ARAP2: variants seen among roughly 807,000 people sequenced by gnomAD.
ARAP2 encodes arf-GAP with Rho-GAP domain, ANK repeat and PH domain-containing protein 2.
Under a neutral mutation model 194.5 loss-of-function variants are expected in ARAP2, and 148 were observed. The observed-to-expected ratio is 0.76, with a 90% CI of 0.67 to 0.87. The LOEUF is 0.87. Ranked by LOEUF, ARAP2 falls within the 40% of genes least tolerant of loss-of-function variation. ARAP2 has a pLI of 0.00. For synonymous variants in ARAP2, 695 were observed against 683.5 expected, an observed-to-expected ratio of 1.02 and a Z score of -0.26; for missense variants, 2,128 against 1,989.7, an observed-to-expected ratio of 1.07 and a Z score of -1.32.
At chr4:36,200,018 T>C (rs1744035251) in intron 6 of ARAP2, among the ~76,000 whole-genome samples, 2 of 42,240 alleles carry the variant, frequency 4.7e-5, no homozygotes, top group African/African-American at 1.1e-4. Flanking sequence ...AATATGGTTA[T>C]TTAAAATGTA....
At chr4:36,137,513 A>G (rs1431306642) in intron 19 of ARAP2, among the ~76,000 whole-genome samples, 3 of 151,904 alleles carry the variant, frequency 2.0e-5, no homozygotes, top group Non-Finnish European at 4.4e-5. Context: ...AAATGTAATT[A>G]GAAACAAATC....
intron 9 of ARAP2, among the ~76,000 whole-genome samples, chr4:36,174,604 G>A (rs1030931507): frequency 1.3e-5 from 2 of 152,126 alleles, no homozygotes; most frequent in Non-Finnish European, 2.9e-5. Context: ...ATCACCTGGG[G>A]TGCTTTTTTG....
chr4:36,143,975 C>T (rs574957840), intron 19 of ARAP2, among the ~76,000 whole-genome samples: 18 of 151,828 alleles, frequency 1.2e-4, no homozygotes, highest in South Asian at 2.1e-4. Flanking sequence ...TGCAGTCCAG[C>T]GGTAAGATCA....
chr4:36,080,319 C>T, intron 30 of ARAP2, 40 bp from the exon 31 acceptor site: 1 of 1,525,110 alleles, frequency 6.6e-7, no homozygotes, highest in Non-Finnish European at 9.1e-7. Context: ...TTCAAAAAGA[C>T]AATTGACTGT....
intron 15 of ARAP2, among the ~76,000 whole-genome samples, chr4:36,152,448 T>C (rs1161573785): frequency 2.6e-5 from 4 of 152,112 alleles, no homozygotes; most frequent in Non-Finnish European, 4.4e-5. Flanking sequence ...TTCAAAACAA[T>C]GTATTCAGAC....
chr4:36,175,162 A>C (rs1222378170), intron 9 of ARAP2, among the ~76,000 whole-genome samples: 1 of 152,234 alleles, frequency 6.6e-6, no homozygotes, highest in African/African-American at 2.4e-5. Flanking sequence ...TTCAAATCTC[A>C]CATCACTTAC....
intron 9 of ARAP2, among the ~76,000 whole-genome samples, chr4:36,008,618 C>G (rs117612417): frequency 1.2e-4 from 19 of 152,158 alleles, no homozygotes; most frequent in Middle Eastern, 3.4e-3. Flanking sequence ...AAGCACCCTT[C>G]TCAGTATCAG....
At chr4:36,197,663 A>T (rs1203515151) in intron 6 of ARAP2, among the ~76,000 whole-genome samples, 1 of 152,154 alleles carries the variant, frequency 6.6e-6, no homozygotes, top group African/African-American at 2.4e-5. Context: ...CCAGGTGTGG[A>T]GCAGTGAGGG....
intron 2 of ARAP2, among the ~76,000 whole-genome samples, chr4:36,056,913 T>C (rs1367062674): frequency 1.2e-5 from 1 of 85,060 alleles, no homozygotes; most frequent in Non-Finnish European, 3.3e-5. Flanking sequence ...AGACATTATA[T>C]CATCATTTAG....
At chr4:36,064,459 G>GCTC (rs1725051729), downstream of ARAP2, among the ~76,000 whole-genome samples, 1 of 152,220 alleles carries the variant, frequency 6.6e-6, no homozygotes, top group Admixed American at 6.5e-5. Context: ...ATGGAAGTGG[G>GCTC]CTCCTGTCCC....
intron 2 of ARAP2, 45 bp from the exon 3 acceptor site, chr4:36,214,525 G>C: frequency 1.6e-6 from 2 of 1,243,772 alleles, no homozygotes; most frequent in Non-Finnish European, 2.2e-6. Flanking sequence ...AAATATTTAT[G>C]ATATTTATGA....
At chr4:36,125,533 A>C (rs1303651348) in intron 21 of ARAP2, among the ~76,000 whole-genome samples, 1 of 151,980 alleles carries the variant, frequency 6.6e-6, no homozygotes. Flanking sequence ...TGAGAGTGCA[A>C]TGGAAGAAGT....
At chr4:36,031,669 T>TC (rs1288211974) in intron 5 of ARAP2, among the ~76,000 whole-genome samples, 3 of 151,040 alleles carry the variant, frequency 2.0e-5, no homozygotes, top group African/African-American at 7.3e-5. Context: ...TTAAAATCTT[T>TC]TTTTTTTTTT....
chr4:36,220,570 T>A (rs553251286), intron 2 of ARAP2, among the ~76,000 whole-genome samples: 4 of 152,124 alleles, frequency 2.6e-5, no homozygotes. Context: ...ATTTTTTTTT[T>A]AAGATAACTG....
chr4:36,058,214 C>T (rs912226747), intron 1 of ARAP2: 1 of 152,196 alleles, frequency 6.6e-6, no homozygotes, highest in African/African-American at 2.4e-5. Context: ...CTCCACCGCA[C>T]TATTAGGGAT....
intron 1 of ARAP2, chr4:36,058,184 T>C (rs1723835864): frequency 6.6e-6 from 1 of 152,210 alleles, no homozygotes; most frequent in African/African-American, 2.4e-5. Context: ...GTATGCTTAG[T>C]ATCATGAGAC....
At chr4:36,197,294 T>C (rs1743327535) in intron 6 of ARAP2, among the ~76,000 whole-genome samples, 1 of 152,180 alleles carries the variant, frequency 6.6e-6, no homozygotes, top group Non-Finnish European at 1.5e-5. Context: ...ATAAAACCAG[T>C]GACTATCATA....
chr4:36,007,644 C>A (rs1343851107), intron 9 of ARAP2, among the ~76,000 whole-genome samples: 1 of 152,120 alleles, frequency 6.6e-6, no homozygotes, highest in Non-Finnish European at 1.5e-5. Context: ...GTTACAGGAG[C>A]CCTAGGCTAA....
chr4:36,094,716 T>G (rs1442223297), intron 27 of ARAP2, among the ~76,000 whole-genome samples: 1 of 152,150 alleles, frequency 6.6e-6, no homozygotes, highest in Non-Finnish European at 1.5e-5. Context: ...ACTCATAGAA[T>G]CACCTCTAGT....
Sources: allele counts gnomAD v4.1 joint callset (sites outside exome capture counted in the v4.1 genomes callset), GRCh38; gene constraint gnomAD v4.1.1; transcripts MANE v1.5; gene names NCBI Gene and HGNC (gene_info 2026-07-23, HGNC 2026-07-21).